DENND4C: variants seen among roughly 807,000 people sequenced by gnomAD.
DENND4C encodes DENN domain containing 4C, also known as DENN domain-containing protein 4C.
In DENND4C, 108 loss-of-function variants were observed where a neutral mutation model predicts 203.0. That is an observed-to-expected ratio of 0.53 (90% confidence interval 0.46 to 0.62). The LOEUF (loss-of-function observed/expected upper bound fraction) is 0.62, where lower values mean the gene tolerates loss of function less well. DENND4C is among the 20% of genes least tolerant of loss of function. The pLI, the probability that DENND4C is intolerant of heterozygous loss-of-function variation, is 0.00. For missense variants in DENND4C, 2,481 were observed against 2,301.2 expected (o/e 1.08, Z -1.60); for synonymous variants, 871 against 792.4 (o/e 1.10, Z -1.67).
intron 27 of DENND4C, chr9:19,357,437 A>C: frequency 3.0e-6 from 1 of 333,490 alleles, no homozygotes; most frequent in Non-Finnish European, 5.5e-6. Flanking sequence ...CAGAGGCGAA[A>C]TGTTCTCTTT....
intron 10 of DENND4C, among the ~76,000 whole-genome samples, chr9:19,306,932 C>A (rs1336398471): frequency 6.6e-6 from 1 of 151,926 alleles, no homozygotes; most frequent in Non-Finnish European, 1.5e-5. Context: ...CAGGCGTGTG[C>A]CACCACACCT....
chr9:19,363,473 G>T (rs1305484201), intron 30 of DENND4C, among the ~76,000 whole-genome samples: 2 of 151,762 alleles, frequency 1.3e-5, no homozygotes, highest in Admixed American at 6.6e-5. Context: ...GATCACTCCA[G>T]CCTGGGCGAC....
intron 1 of DENND4C, among the ~76,000 whole-genome samples, chr9:19,256,143 A>G (rs1269572927): frequency 6.6e-6 from 1 of 152,152 alleles, no homozygotes; most frequent in Middle Eastern, 3.2e-3. Context: ...TAACTATGAA[A>G]GAATTTGGGT....
In DENND4C at chr9:19,358,874, T is replaced by G. The variant is rs1404794356; in HGVS notation, c.5160+714T>G. Reference sequence around the variant, plus strand: ...GGTTTTTGTGTTAGTGTTCATTTGCTTGTTTATTTTTGTAAGACGATTTCA... The same window carrying G: ...GGTTTTTGTGTTAGTGTTCATTTGCGTGTTTATTTTTGTAAGACGATTTCA... On this transcript the variant is annotated intron_variant, in intron 28 of 32. Coordinates refer to ENST00000434457, the MANE Select transcript of DENND4C (RefSeq NM_001330640.2). This position sits in a 1 kb window ranked among gnomAD's most constrained non-coding sequence, Gnocchi z 4.8. 2.0e-5 allele frequency among the ~76,000 whole-genome samples: 3 copies of G among 151,778 alleles called. No homozygotes were observed. The highest frequency in any genetic ancestry group is 4.4e-5 in the Non-Finnish European group (3 of 68,030).
At chr9:19,352,270 T>C (rs1824318145) in intron 25 of DENND4C, 88 bp downstream of exon 25, 3 of 1,251,838 alleles carry the variant, frequency 2.4e-6, no homozygotes, top group Non-Finnish European at 3.4e-6. Context: ...TAAGATACCC[T>C]TGTGGACAGT....
chr9:19,350,332 C>G (rs1823809506), intron 23 of DENND4C, among the ~76,000 whole-genome samples: 1 of 152,144 alleles, frequency 6.6e-6, no homozygotes, highest in South Asian at 2.1e-4. Context: ...TGGTGGAGAA[C>G]AAGGTCACAA....
chr9:19,309,213 G>A (rs559001566), intron 10 of DENND4C, among the ~76,000 whole-genome samples: 3 of 151,996 alleles, frequency 2.0e-5, no homozygotes, highest in Admixed American at 1.3e-4. Context: ...TCCTGGGGTC[G>A]GGAGTTTGAG....
chr9:19,348,329 A>T (rs868781479), intron 23 of DENND4C, among the ~76,000 whole-genome samples: 1 of 152,212 alleles, frequency 6.6e-6, no homozygotes, highest in Non-Finnish European at 1.5e-5. Context: ...CTTAGAAGCG[A>T]TATCTCAGGA....
intron 1 of DENND4C, among the ~76,000 whole-genome samples, chr9:19,275,900 C>T (rs947721649): frequency 1.3e-5 from 2 of 152,170 alleles, no homozygotes; most frequent in African/African-American, 4.8e-5. Context: ...AGCCATCGCG[C>T]CCGGCCCCAG....
At chr9:19,304,828 C>A (rs1016753783) in intron 9 of DENND4C, among the ~76,000 whole-genome samples, 4 of 149,862 alleles carry the variant, frequency 2.7e-5, no homozygotes, top group Non-Finnish European at 5.9e-5. Context: ...GGATTACAGG[C>A]GTGAGCCACC....
At chr9:19,307,393 C>CAA (rs753710246) in intron 10 of DENND4C, among the ~76,000 whole-genome samples, 801 of 58,354 alleles carry the variant, frequency 0.014, 11 homozygotes, top group African/African-American at 0.043. Flanking sequence ...GACTCTGTCT[C>CAA]AAAAAAAAAA....
At chr9:19,278,574 C>T (rs564465891) in intron 2 of DENND4C, among the ~76,000 whole-genome samples, 20 of 152,228 alleles carry the variant, frequency 1.3e-4, no homozygotes, top group African/African-American at 4.3e-4. Flanking sequence ...TCGGAATCCA[C>T]GAAGGAGTGT....
At position 19,316,412 on chromosome 9, in the gene DENND4C, A is replaced by C. The variant is rs771661498; in HGVS notation, c.1488-5A>C. ...CATTTTATGAATTTTGTTCTGATTT[A>C]ATAGATCAGATGAAAAGAAGAACAT... On this transcript the variant is annotated splice_polypyrimidine_tract_variant and splice_region_variant and intron_variant, in intron 10 of 32. Transcript: ENST00000434457. The C allele has an allele frequency of 6.2e-7, 1 of 1,610,128 alleles. No individual in the cohort carries two copies. The highest frequency in any genetic ancestry group is 8.5e-7 in the Non-Finnish European group (1 of 1,177,926).
At chr9:19,328,573 A>G (rs1054845400) in intron 16 of DENND4C, among the ~76,000 whole-genome samples, 1 of 152,112 alleles carries the variant, frequency 6.6e-6, no homozygotes. Context: ...AGATTGTGCC[A>G]CTGCACTCCA....
intron 26 of DENND4C, among the ~76,000 whole-genome samples, chr9:19,353,219 T>C (rs974516600): frequency 7.2e-5 from 11 of 152,236 alleles, no homozygotes; most frequent in African/African-American, 2.7e-4. Flanking sequence ...TCTATAATTA[T>C]ACATAAAATA....
At position 19,318,907 on chromosome 9, in the gene DENND4C, G is replaced by A. The variant is rs939566914; in HGVS notation, c.1807+2068G>A. Among the ~76,000 whole-genome samples the A allele has an allele frequency of 3.9e-5, 6 of 152,290 alleles. No homozygotes were observed. In the East Asian group the frequency reaches 7.7e-4, roughly 20 times the overall value. ...TTTTGGGCCAGGTGCAGTGGCTTAT[G>A]CCTGTAATCCCAGCACTTTGGGAGG... On this transcript the variant is annotated intron_variant, in intron 12 of 32. Coordinates refer to ENST00000434457, the MANE Select transcript of DENND4C (RefSeq NM_001330640.2).
intron 16 of DENND4C, among the ~76,000 whole-genome samples, chr9:19,330,904 A>C (rs983349248): frequency 3.3e-5 from 5 of 151,714 alleles, no homozygotes; most frequent in African/African-American, 1.2e-4. Flanking sequence ...CTGCACAAAA[A>C]AATTAGCTGG....
intron 20 of DENND4C, among the ~76,000 whole-genome samples, chr9:19,338,189 T>G (rs761708475): frequency 1.3e-5 from 2 of 152,212 alleles, no homozygotes; most frequent in Non-Finnish European, 2.9e-5. Context: ...AAACTTTTAT[T>G]TTAAAGCCAC....
chr9:19,239,062 G>C (rs1303107461), intron 1 of DENND4C, among the ~76,000 whole-genome samples: 1 of 151,994 alleles, frequency 6.6e-6, no homozygotes, highest in Admixed American at 6.6e-5. Context: ...TTAATCTACA[G>C]ATACTGATAT....
Sources: gnomAD v4.1 joint callset for allele counts (sites outside exome capture counted in the v4.1 genomes callset) on GRCh38, gnomAD v4.1.1 for gene constraint, Gnocchi (gnomAD v3.1) non-coding constraint, MANE v1.5 for transcripts, NCBI Gene and HGNC (gene_info 2026-07-23, HGNC 2026-07-21) for gene names.